RAD51B: variants seen among roughly 807,000 people sequenced by gnomAD.
RAD51B encodes the protein DNA repair protein RAD51 homolog 2.
A neutral mutation model predicts 42.2 loss-of-function variants in RAD51B; 38 were observed. The observed-to-expected ratio is 0.90, with a 90% CI of 0.70 to 1.18. The LOEUF is 1.18. Ranked by LOEUF, RAD51B falls within the 50% of genes most tolerant of loss-of-function variation. The pLI is 0.00. For synonymous variants in RAD51B, 154 were observed against 145.2 expected, an observed-to-expected ratio of 1.06 and a Z score of -0.43; for missense variants, 373 against 400.7, an observed-to-expected ratio of 0.93 and a Z score of 0.59.
chr14:67,872,761 A>G (rs1232496420), intron 5 of RAD51B, among the ~76,000 whole-genome samples: 1 of 150,906 alleles, frequency 6.6e-6, no homozygotes, highest in Non-Finnish European at 1.5e-5. Flanking sequence ...ATGGAACAGA[A>G]CAGAGCCCTC....
At chr14:67,964,671 T>C (rs1386507247) in intron 7 of RAD51B, among the ~76,000 whole-genome samples, 1 of 152,156 alleles carries the variant, frequency 6.6e-6, no homozygotes, top group Non-Finnish European at 1.5e-5. Context: ...TGTTTGACTA[T>C]TGGGTGTGGC....
chr14:68,109,153 T>C (rs2077422864), intron 7 of RAD51B, among the ~76,000 whole-genome samples: 1 of 152,018 alleles, frequency 6.6e-6, no homozygotes, highest in African/African-American at 2.4e-5. Context: ...GGATTTGATT[T>C]AGAAACTGCT....
chr14:68,555,214 T>C (rs1023362375), intron 10 of RAD51B, among the ~76,000 whole-genome samples: 30 of 152,216 alleles, frequency 2.0e-4, no homozygotes, highest in Non-Finnish European at 5.9e-5. Context: ...TATGTGCTGG[T>C]TCCTTCTCTC....
At chr14:68,470,979 C>G (rs555581728) in intron 10 of RAD51B, among the ~76,000 whole-genome samples, 2 of 152,182 alleles carry the variant, frequency 1.3e-5, no homozygotes, top group South Asian at 2.1e-4. Context: ...CTAAAAGACA[C>G]CTGCATGATT....
chr14:68,428,718 T>C (rs1441203430), intron 9 of RAD51B, among the ~76,000 whole-genome samples: 34 of 2,636 alleles, frequency 0.013, no homozygotes, highest in African/African-American at 0.02. Flanking sequence ...TATATATATA[T>C]ATATATATAT....
intron 10 of RAD51B, among the ~76,000 whole-genome samples, chr14:68,500,219 C>T (rs1019823479): frequency 5.3e-5 from 8 of 152,146 alleles, no homozygotes; most frequent in African/African-American, 1.7e-4. Flanking sequence ...TAATAATGAC[C>T]ACACTCTATA....
chr14:68,156,343 T>C (rs1214706211), intron 7 of RAD51B, among the ~76,000 whole-genome samples: 1 of 152,194 alleles, frequency 6.6e-6, no homozygotes, highest in Non-Finnish European at 1.5e-5. Flanking sequence ...TGCTATAACA[T>C]TGTTATTCCT....
intron 7 of RAD51B, among the ~76,000 whole-genome samples, chr14:67,961,139 T>C (rs118051770): frequency 0.059 from 9,031 of 152,020 alleles, 637 homozygotes; most frequent in African/African-American, 0.17. Flanking sequence ...CCCGAGTAGC[T>C]GGGGCCACAG....
chr14:68,468,067 C>T, intron 9 of RAD51B, 105 bp from the exon 10 acceptor site: 1 of 904,516 alleles, frequency 1.1e-6, no homozygotes, highest in Non-Finnish European at 1.8e-6. Context: ...AGCCTTGTGA[C>T]TTACAGTCCT....
chr14:68,057,296 G>A (rs1595336623), intron 7 of RAD51B, among the ~76,000 whole-genome samples: 1 of 151,962 alleles, frequency 6.6e-6, no homozygotes, highest in African/African-American at 2.4e-5. Context: ...TCTTTCCAAT[G>A]ATCTTTAGAT....
intron 7 of RAD51B, among the ~76,000 whole-genome samples, chr14:68,237,618 A>G (rs2080286910): frequency 6.6e-6 from 1 of 151,150 alleles, no homozygotes; most frequent in South Asian, 2.1e-4. Flanking sequence ...CTAGGCAAAC[A>G]CTGCTTTCTG....
intron 11 of RAD51B, among the ~76,000 whole-genome samples, chr14:68,678,132 T>C (rs1353818655): frequency 6.6e-6 from 1 of 152,202 alleles, no homozygotes; most frequent in Non-Finnish European, 1.5e-5. Flanking sequence ...CAAGGTTACA[T>C]AGCTAATAAA....
intron 8 of RAD51B, among the ~76,000 whole-genome samples, chr14:68,386,436 A>T (rs908306239): frequency 1.3e-5 from 2 of 152,176 alleles, no homozygotes; most frequent in African/African-American, 4.8e-5. Flanking sequence ...ACCTTTCCCC[A>T]GTCCTCTCTT....
At chr14:68,605,704 G>A (rs545784034) in intron 10 of RAD51B, among the ~76,000 whole-genome samples, 3 of 152,152 alleles carry the variant, frequency 2.0e-5, no homozygotes, top group South Asian at 2.1e-4. Context: ...CATCTACAGC[G>A]ACCCTATTTC....
At chr14:68,133,307 T>A (rs2077937672) in intron 7 of RAD51B, among the ~76,000 whole-genome samples, 1 of 152,184 alleles carries the variant, frequency 6.6e-6, no homozygotes, top group African/African-American at 2.4e-5. Flanking sequence ...GTTTGGAAAC[T>A]GAGGAATATT....
chr14:67,828,817 T>C (rs2040925153), intron 3 of RAD51B, among the ~76,000 whole-genome samples: 1 of 152,198 alleles, frequency 6.6e-6, no homozygotes, highest in Admixed American at 6.5e-5. Context: ...GTCTTATTTC[T>C]GAGTTCTTCT....
intron 9 of RAD51B, among the ~76,000 whole-genome samples, chr14:68,446,139 T>C (rs2085415518): frequency 6.6e-6 from 1 of 152,220 alleles, no homozygotes; most frequent in African/African-American, 2.4e-5. Flanking sequence ...TGATAAGAGC[T>C]ATACAAACAT....
intron 8 of RAD51B, among the ~76,000 whole-genome samples, chr14:68,331,385 A>AAAAAAAAAAAAAAAAAAAAAAAC: frequency 6.8e-6 from 1 of 147,380 alleles, no homozygotes; most frequent in Non-Finnish European, 1.5e-5. Flanking sequence ...AAAAAAAAAA[A>AAAAAAAAAAAAAAAAAAAAAAAC]GCAATGGTGT....
At chr14:68,554,946 T>C (rs1175073755) in intron 10 of RAD51B, among the ~76,000 whole-genome samples, 1 of 151,998 alleles carries the variant, frequency 6.6e-6, no homozygotes, top group Admixed American at 6.6e-5. Context: ...CCTCCAGGGT[T>C]CAAGTGAGTC....
Sources: gnomAD v4.1 joint callset for allele counts (sites outside exome capture counted in the v4.1 genomes callset) on GRCh38, gnomAD v4.1.1 for gene constraint, MANE v1.5 for transcripts, NCBI Gene and HGNC (gene_info 2026-07-23, HGNC 2026-07-21) for gene names.